The following CTC1 variants were observed in gnomAD, a reference collection of about 807,000 sequenced individuals.
The protein encoded by CTC1 is CST complex subunit CTC1.
Under a neutral mutation model 136.3 loss-of-function variants are expected in CTC1, and 91 were observed. The ratio of observed to expected loss-of-function variants is 0.67; its 90% confidence interval spans 0.56 to 0.79. The LOEUF is 0.79. CTC1 is among the 30% of genes least tolerant of loss of function. The probability of loss-of-function intolerance (pLI) is 0.00; values close to 1 mark genes in which losing one functional copy is unlikely to be tolerated. For missense variants in CTC1, 1,432 were observed against 1,498.1 expected, an observed-to-expected ratio of 0.96 and a Z score of 0.73; for synonymous variants, 606 against 613.8, an observed-to-expected ratio of 0.99 and a Z score of 0.19.
chr17:8,228,657 G>A (rs1567597789), intron 21 of CTC1, 28 bp from the exon 22 acceptor site: 2 of 1,614,106 alleles, frequency 1.2e-6, no homozygotes, highest in Admixed American at 1.7e-5. Flanking sequence ...AGGTTAACTG[G>A]CTCCTAAACC....
Position 8,225,251 on chromosome 17 carries a change from T to A in CTC1, c.*2929A>T, listed in dbSNP as rs1986540315. 6.6e-6 allele frequency: 1 copy of A among 152,260 alleles called. No homozygotes were observed. Among genetic ancestry groups the A allele is most frequent in the Non-Finnish European group, 1.5e-5 (1 of 68,082 alleles). 9.4% of individuals were successfully genotyped at this position (152,260 alleles called of 1,614,324 possible). Reference sequence around the variant, plus strand: ...ATTCCACTTCTCCCTGTTCTTACAGTGCCGTTAGTGCTGAAAGGGGAACGT... The same window carrying A: ...ATTCCACTTCTCCCTGTTCTTACAGAGCCGTTAGTGCTGAAAGGGGAACGT... On this transcript the variant is annotated 3_prime_UTR_variant, in exon 23 of 23. Coordinates refer to ENST00000651323, the MANE Select transcript of CTC1 (RefSeq NM_025099.6).
intron 7 of CTC1, 119 bp downstream of exon 7, chr17:8,235,712 C>A: frequency 8.5e-7 from 1 of 1,170,558 alleles, no homozygotes; most frequent in Non-Finnish European, 1.2e-6. Flanking sequence ...AAAGTGCCCC[C>A]TAACACACAC....
intron 18 of CTC1, 115 bp from the exon 19 acceptor site, chr17:8,229,561 T>C (rs1449953318): frequency 3.6e-5 from 30 of 830,372 alleles, no homozygotes; most frequent in Non-Finnish European, 5.1e-5. Context: ...GGGACAGCAG[T>C]GGGTTCCATG....
chr17:8,241,683 G>A (rs954265255), intron 2 of CTC1, among the ~76,000 whole-genome samples: 2 of 151,674 alleles, frequency 1.3e-5, no homozygotes, highest in Admixed American at 1.3e-4. Context: ...GCCATGGTAG[G>A]AGGACTGCTT....
chr17:8,241,165 G>T (rs1037323764), intron 2 of CTC1, among the ~76,000 whole-genome samples: 3 of 152,048 alleles, frequency 2.0e-5, no homozygotes, highest in Admixed American at 1.3e-4. Context: ...GCAGGCACCT[G>T]TAATCCCAGC....
rs761130121 is a variant in CTC1, at chr17:8,229,444, ATG to A, written c.3012_3013del (p.Ile1005SerfsTer9). 1.9e-6 allele frequency: 3 copies of A among 1,612,752 alleles called. No homozygotes were observed. Among genetic ancestry groups the A allele is most frequent in the African/African-American group, 2.7e-5 (2 of 74,916 alleles). ...AGCCAGGTAGATGTGGGGCAGGGGA[ATG>A]CTAAATAAATACAGGGAGACAGAGA... is the stretch of plus-strand genomic sequence containing the variant. On this transcript the variant is annotated frameshift_variant and splice_region_variant, in exon 19 of 23. Transcript: ENST00000651323. LOFTEE classifies it high-confidence loss of function.
intron 1 of CTC1, among the ~76,000 whole-genome samples, chr17:8,244,399 G>C (rs1031638191): frequency 6.6e-6 from 1 of 152,158 alleles, no homozygotes; most frequent in Non-Finnish European, 1.5e-5. Flanking sequence ...CCCAGTGCTA[G>C]GCAGCTTTAA....
At position 8,229,283 on chromosome 17, in the gene CTC1, T is replaced by C; in HGVS notation, c.3156+19A>G. 1 of 1,614,156 alleles carries C rather than the reference T, an allele frequency of 6.2e-7. No homozygotes were observed. Among genetic ancestry groups the C allele is most frequent in the Non-Finnish European group, 8.5e-7 (1 of 1,180,018 alleles). On this transcript the variant is annotated intron_variant, in intron 19 of 22. Coordinates refer to ENST00000651323, the MANE Select transcript of CTC1 (RefSeq NM_025099.6). ...CTGGCACTCCATACTCAGTTCAGCC[T>C]GTTCCTTCCCTCCCTTACCTGCCGG... is the stretch of plus-strand genomic sequence containing the variant.
intron 1 of CTC1, among the ~76,000 whole-genome samples, chr17:8,245,589 G>A (rs1988608899): frequency 6.6e-6 from 1 of 152,062 alleles, no homozygotes; most frequent in African/African-American, 2.4e-5. Context: ...TGGCTTCAAG[G>A]TAAAATTACC....
chr17:8,228,987 T>G, intron 20 of CTC1, 95 bp from the exon 21 acceptor site: 14 of 1,501,292 alleles, frequency 9.3e-6, no homozygotes, highest in East Asian at 2.3e-5. Context: ...TCTGCAGTCT[T>G]TGGCTCACAG....
At chr17:8,245,427 C>G (rs548166396) in intron 1 of CTC1, among the ~76,000 whole-genome samples, 30 of 152,292 alleles carry the variant, frequency 2.0e-4, no homozygotes, top group African/African-American at 6.5e-4. Context: ...CAGACCAAAT[C>G]ACCATTCAGA....
At chr17:8,232,267 G>A in intron 12 of CTC1, 40 bp from the exon 13 acceptor site, 2 of 1,548,042 alleles carry the variant, frequency 1.3e-6, no homozygotes, top group Non-Finnish European at 1.7e-6. Context: ...TAGTGATGCA[G>A]GCATTGGGTA....
Position 8,238,491 on chromosome 17 carries a change from T to C in CTC1, c.336A>G (p.Leu112=). The C allele has an allele frequency of 6.2e-7, 1 of 1,614,178 alleles. No individual in the cohort carries two copies. Among genetic ancestry groups the C allele is most frequent in the Non-Finnish European group, 8.5e-7 (1 of 1,180,030 alleles). The change falls in exon 3 of 23, where the codon TTA becomes TTG. Residue 112 remains leucine, a synonymous_variant. Transcript: ENST00000651323. The part of the protein sequence containing the change: ...NGNPLPREQL[L]LLGTLTDLSA... The stretch of plus-strand genomic sequence containing the variant: ...ATAGGTCTGTTAGTGTCCCTAAAAG[T>C]AACAGCTGCTCTCGGGGCAGGGGGT...
chr17:8,228,490 T>A lies in CTC1; in HGVS notation c.3514+13A>T. ...TCCCCCTATCATCATGATCCCCCCG[T>A]CTCCAACCTTACCTAATGGGACGAT... On this transcript the variant is annotated intron_variant, in intron 22 of 22. Transcript: ENST00000651323. The A allele has an allele frequency of 6.2e-7, 1 of 1,614,050 alleles. No individual in the cohort carries two copies. The highest frequency in any genetic ancestry group is 1.7e-5 in the Admixed American group (1 of 59,986).
intron 15 of CTC1, 112 bp from the exon 16 acceptor site, chr17:8,230,763 T>C: frequency 1.1e-6 from 1 of 878,540 alleles, no homozygotes; most frequent in Non-Finnish European, 1.8e-6. Context: ...ACTTCATATA[T>C]AAAGTCCTGA....
Position 8,232,400 on chromosome 17 carries a change from T to A in CTC1, c.2021A>T (p.Glu674Val). 1.2e-6 allele frequency: 2 copies of A among 1,614,054 alleles called. No individual in the cohort carries two copies. The highest frequency in any genetic ancestry group is 1.7e-6 in the Non-Finnish European group (2 of 1,179,980). The change falls in exon 12 of 23, where the codon GAG becomes GTG. Residue 674 changes from glutamate to valine, a missense_variant. Coordinates refer to ENST00000651323, the MANE Select transcript of CTC1 (RefSeq NM_025099.6). Reference sequence around the variant, plus strand: ...CTGGATGAAGCCTGGCATGCTCAGCTCCTTCCAGGAAGGGAAGCTGCTTCT... The same window carrying A: ...CTGGATGAAGCCTGGCATGCTCAGCACCTTCCAGGAAGGGAAGCTGCTTCT... ...DVRSSFPSWK[E>V]LSMPGFIQKQ...
intron 14 of CTC1, 108 bp from the exon 15 acceptor site, chr17:8,231,577 G>T: frequency 8.0e-7 from 1 of 1,254,636 alleles, no homozygotes; most frequent in Non-Finnish European, 1.1e-6. Context: ...GGAGAAGGAA[G>T]TGTGTCAACA....
rs1287605629 is a variant in CTC1 at position 8,231,976 on chromosome 17, C to T, written c.2312G>A (p.Gly771Glu). ...AGTACCCTCCTTCCTCTGGGTGCCC[C>T]CAAGCCAGCTCCCCAACACATAGAA... ...LSFYVLGSWLGGTQRKEGTGW... is the reference protein window; with the variant it reads ...LSFYVLGSWLEGTQRKEGTGW... Residue 771 changes from glycine (G) to glutamate (E), a missense_variant, in exon 13 of 23, where the codon GGG (glycine) becomes GAG (glutamate). Gly to Glu is a moderately conservative substitution (Grantham distance 98, BLOSUM62 -2). Transcript: ENST00000651323. The T allele has an allele frequency of 1.2e-6, 2 of 1,610,412 alleles. No homozygotes were observed. The highest frequency in any genetic ancestry group is 3.4e-5 in the Admixed American group (2 of 59,348).
intron 18 of CTC1, 102 bp from the exon 19 acceptor site, chr17:8,229,548 A>G: frequency 1.0e-6 from 1 of 998,542 alleles, no homozygotes; most frequent in Non-Finnish European, 1.5e-6. Flanking sequence ...GGGCATCAGG[A>G]TGGGGACAGC....
Sources: gnomAD v4.1 joint callset for allele counts (sites outside exome capture counted in the v4.1 genomes callset) on GRCh38, gnomAD v4.1.1 for gene constraint, MANE v1.5 for transcripts, NCBI Gene and HGNC (gene_info 2026-07-23, HGNC 2026-07-21) for gene names.